Variants in CLEC2A observed in about 807,000 individuals in gnomAD.
CLEC2A encodes C-type lectin domain family 2 member A, also known as keratinocyte-associated C-type lectin.
In CLEC2A, 19 loss-of-function variants were observed where a neutral mutation model predicts 18.6. The ratio of observed to expected loss-of-function variants is 1.02; its 90% CI spans 0.71 to 1.50. The LOEUF is 1.50. Ranked by LOEUF, CLEC2A falls within the 40% of genes most tolerant of loss-of-function variation. CLEC2A has a pLI of 0.00. For missense variants in CLEC2A, 190 were observed against 207.9 expected, an observed-to-expected ratio of 0.91 and a Z score of 0.53; for synonymous variants, 74 against 64.0, an observed-to-expected ratio of 1.16 and a Z score of -0.75.
rs548351677 is a variant in CLEC2A at position 9,922,160 on chromosome 12, T to C, written c.212A>G (p.Tyr71Cys). The change falls in exon 3 of 5, where the codon TAT (tyrosine) becomes TGT (cysteine). Residue 71 changes from tyrosine to cysteine, a missense_variant. Tyr to Cys is a radical substitution (Grantham distance 194). Coordinates refer to ENST00000455827, the MANE Select transcript of CLEC2A (RefSeq NM_001130711.2). ...CCAATTTCTGGTATCATCAGAAAAA[T>C]AGAAACACTTATCTCTCACTCCAAG... ...DWLGVRDKCF[Y>C]FSDDTRNWTA... 1.2e-4 allele frequency: 185 copies of C among 1,550,924 alleles called. 2 individuals carry two copies. In the South Asian group the frequency reaches 1.9e-3, roughly 16 times the overall value.
rs2137063094 is a variant in CLEC2A at position 9,932,317 on chromosome 12, C to A, written c.13G>T (p.Glu5Ter). Residue 5 changes from glutamate (E) to a stop codon, truncating the protein, a stop_gained, in exon 1 of 5, where the codon GAG (glutamate) becomes TAG (stop). Coordinates refer to ENST00000455827, the MANE Select transcript of CLEC2A (RefSeq NM_001130711.2). LOFTEE classifies it high-confidence loss of function. The stretch of plus-strand genomic sequence containing the variant: ...CCATCAGCTCTGCCATCCCGCAGCT[C>A]TGGATTAATCATGGCAAGGCGCTAA... MINP[E>*]LRDGRADGFI... is the part of the protein sequence containing the mutation. 6.4e-7 allele frequency: 1 copy of A among 1,552,004 alleles called. No individual in the cohort carries two copies. Among genetic ancestry groups the A allele is most frequent in the East Asian group, 2.4e-5 (1 of 40,912 alleles).
At chr12:9,923,564 C>T (rs983862186) in intron 2 of CLEC2A, among the ~76,000 whole-genome samples, 6 of 152,236 alleles carry the variant, frequency 3.9e-5, no homozygotes, top group African/African-American at 1.4e-4. Context: ...TTGACCCAGC[C>T]ATTCCATTAC....
chr12:9,891,980 T>C, the CLEC2A span, among the ~76,000 whole-genome samples: 5 of 152,200 alleles, frequency 3.3e-5, no homozygotes, highest in African/African-American at 1.2e-4. Context: ...ATTTATTATA[T>C]ACAAAATACT....
At chr12:9,909,543 G>C (rs1291651452), downstream of CLEC2A, among the ~76,000 whole-genome samples, 2 of 152,172 alleles carry the variant, frequency 1.3e-5, no homozygotes, top group Non-Finnish European at 2.9e-5. Flanking sequence ...ACAGCGGCTT[G>C]AGTTCTTTTT....
At chr12:9,879,604 A>G in the CLEC2A span, among the ~76,000 whole-genome samples, 1 of 152,226 alleles carries the variant, frequency 6.6e-6, no homozygotes, top group Non-Finnish European at 1.5e-5. Flanking sequence ...AAGATGGCCC[A>G]GAGGGAACTA....
At chr12:9,919,265 T>C (rs1206373478) in intron 3 of CLEC2A, among the ~76,000 whole-genome samples, 1 of 152,198 alleles carries the variant, frequency 6.6e-6, no homozygotes, top group Non-Finnish European at 1.5e-5. Flanking sequence ...AATGGTCTTT[T>C]GCTTTTCTCC....
the CLEC2A span, among the ~76,000 whole-genome samples, chr12:9,879,046 G>T: frequency 6.6e-6 from 1 of 152,030 alleles, no homozygotes; most frequent in African/African-American, 2.4e-5. Context: ...AGAGGTCAAG[G>T]GGTTGCAGTT....
chr12:9,925,680 T>C (rs1245517786), intron 2 of CLEC2A, among the ~76,000 whole-genome samples: 1 of 152,172 alleles, frequency 6.6e-6, no homozygotes, highest in Non-Finnish European at 1.5e-5. Flanking sequence ...AATATAGAAA[T>C]TGATCCTCCT....
chr12:9,893,655 A>C, the CLEC2A span: 1 of 432,650 alleles, frequency 2.3e-6, no homozygotes. Context: ...TTATCTTTAC[A>C]TTTTTTTCTA....
intron 4 of CLEC2A, among the ~76,000 whole-genome samples, chr12:9,905,790 A>C (rs1862898672): frequency 6.6e-6 from 1 of 152,168 alleles, no homozygotes; most frequent in Admixed American, 6.5e-5. Flanking sequence ...TTTTCTATTA[A>C]TCCAAGCTTA....
downstream of CLEC2A, among the ~76,000 whole-genome samples, chr12:9,912,582 T>C (rs564669597): frequency 6.6e-6 from 1 of 152,152 alleles, no homozygotes; most frequent in African/African-American, 2.4e-5. Context: ...AAGATGGTGT[T>C]CTTGTCCTGC....
chr12:9,917,392 A>G (rs1025016467), intron 3 of CLEC2A, among the ~76,000 whole-genome samples: 9 of 152,202 alleles, frequency 5.9e-5, no homozygotes, highest in Non-Finnish European at 1.2e-4. Context: ...TTATGGCAAT[A>G]TGCTAATTGA....
At chr12:9,927,980 G>C (rs961233026) in intron 1 of CLEC2A, among the ~76,000 whole-genome samples, 3 of 152,050 alleles carry the variant, frequency 2.0e-5, no homozygotes, top group African/African-American at 7.2e-5. Context: ...AGAAAAAAAG[G>C]CTTTACCATA....
rs1002931764 is a variant in CLEC2A at position 9,930,532 on chromosome 12, A to G, written c.55+1743T>C. ...CACCATTTGATTTGTTATCCCTCTCATTTCTTCTCTTTTTCACTAACGTCT... is the reference window on the plus strand; with the variant it reads ...CACCATTTGATTTGTTATCCCTCTCGTTTCTTCTCTTTTTCACTAACGTCT... On this transcript the variant is annotated intron_variant, in intron 1 of 4. Transcript: ENST00000455827. 4.0e-5 allele frequency among the ~76,000 whole-genome samples: 6 copies of G among 151,068 alleles called. 1 individual carries two copies. The highest frequency in any genetic ancestry group is 3.9e-4 in the Admixed American group (6 of 15,198).
In CLEC2A at chr12:9,926,329, G is replaced by A. The variant is rs765399521; in HGVS notation, c.70C>T (p.Gln24Ter). Residue 24 changes from glutamine to a stop codon, truncating the protein, a stop_gained, in exon 2 of 5, where the codon CAA (glutamine) becomes TAA (stop). Transcript: ENST00000455827. LOFTEE classifies it high-confidence loss of function. ...CACATAAGGCCAATCTTCCAGTTTT[G>A]TATCAACTTGGGAACTGCAAATTAA... The part of the protein sequence containing the change: ...FIHRIVPKLI[Q>*]NWKIGLMCFL... 1.3e-6 allele frequency: 2 copies of A among 1,547,476 alleles called. No individual in the cohort carries two copies. The highest frequency in any genetic ancestry group is 1.2e-5 in the South Asian group (1 of 83,972).
At chr12:9,903,501 G>A (rs185993945) in intron 4 of CLEC2A, among the ~76,000 whole-genome samples, 228 of 152,312 alleles carry the variant, frequency 1.5e-3, no homozygotes, top group African/African-American at 5.4e-3. Flanking sequence ...GGATAAAACA[G>A]GAAGACATTG....
intron 3 of CLEC2A, 121 bp downstream of exon 3, chr12:9,921,945 C>T: frequency 2.4e-6 from 2 of 827,914 alleles, no homozygotes. Context: ...TAAGTGAACC[C>T]ACACAGTTCA....
chr12:9,928,432 T>A (rs1863314597), intron 1 of CLEC2A, among the ~76,000 whole-genome samples: 1 of 151,748 alleles, frequency 6.6e-6, no homozygotes, highest in Admixed American at 6.6e-5. Flanking sequence ...GCCACTGCAC[T>A]CCAGCCTGGG....
At position 9,916,823 on chromosome 12, in the gene CLEC2A, A is replaced by G; in HGVS notation, c.307-20T>C. 7.1e-7 allele frequency: 1 copy of G among 1,412,484 alleles called. No individual in the cohort carries two copies. 87.5% of individuals were successfully genotyped at this position (1,412,484 alleles called of 1,614,324 possible). On this transcript the variant is annotated intron_variant, in intron 3 of 4. Coordinates refer to ENST00000455827, the MANE Select transcript of CLEC2A (RefSeq NM_001130711.2). ...AAATTCCTTTCACAAAACAAAGGGAATCAGCGATTACTTAATATGTTACAG... is the reference window on the plus strand; with the variant it reads ...AAATTCCTTTCACAAAACAAAGGGAGTCAGCGATTACTTAATATGTTACAG...
Sources: gnomAD v4.1 joint callset for allele counts (sites outside exome capture counted in the v4.1 genomes callset) on GRCh38, gnomAD v4.1.1 for gene constraint, MANE v1.5 for transcripts, NCBI Gene and HGNC (gene_info 2026-07-23, HGNC 2026-07-21) for gene names.